Variants in FAM76A observed in about 807,000 individuals in gnomAD.
The protein encoded by FAM76A is protein FAM76A.
In FAM76A, 32 loss-of-function variants were observed where a neutral mutation model predicts 46.2. The observed-to-expected ratio is 0.69, with a 90% CI of 0.52 to 0.93. The LOEUF (loss-of-function observed/expected upper bound fraction) is 0.93, where lower values mean the gene tolerates loss of function less well. Ranked by LOEUF, FAM76A falls within the 40% of genes least tolerant of loss-of-function variation. The pLI is 0.00. For synonymous variants in FAM76A, 137 were observed against 127.0 expected, an observed-to-expected ratio of 1.08 and a Z score of -0.53; for missense variants, 274 against 361.5, an observed-to-expected ratio of 0.76 and a Z score of 1.96.
intron 4 of FAM76A, 128 bp downstream of exon 4, chr1:27,734,311 GC>G (rs2088008917): frequency 1.1e-6 from 1 of 878,070 alleles, no homozygotes; most frequent in Admixed American, 3.4e-5. Flanking sequence ...ACTTTGGGAG[GC>G]CGAGGCTAGT....
intron 4 of FAM76A, among the ~76,000 whole-genome samples, chr1:27,737,891 A>AAAAAAAAAAAAAAAAAT (rs1553178322): frequency 6.8e-6 from 1 of 147,864 alleles, no homozygotes; most frequent in Non-Finnish European, 1.5e-5. Context: ...AAAAAAAAAA[A>AAAAAAAAAAAAAAAAAT]ACAGAAAAAA....
chr1:27,728,959 G>A (rs141401744), intron 2 of FAM76A, among the ~76,000 whole-genome samples: 10 of 148,856 alleles, frequency 6.7e-5, no homozygotes, highest in Admixed American at 1.3e-4. Flanking sequence ...GGGAAACTCT[G>A]TCTCAAAAAA....
At chr1:27,758,534 C>T (rs1284729412) in intron 7 of FAM76A, among the ~76,000 whole-genome samples, 3 of 152,084 alleles carry the variant, frequency 2.0e-5, no homozygotes, top group African/African-American at 7.2e-5. Context: ...CAGGGTCTTG[C>T]TCTGTTGCCC....
intron 4 of FAM76A, chr1:27,739,109 A>G (rs1343243157): frequency 2.9e-6 from 1 of 339,824 alleles, no homozygotes; most frequent in African/African-American, 2.2e-5. Context: ...GGTGTGTGTG[A>G]AGCTTTGAGG....
chr1:27,747,926 A>G (rs2088266617), intron 5 of FAM76A, among the ~76,000 whole-genome samples: 2 of 151,896 alleles, frequency 1.3e-5, no homozygotes, highest in South Asian at 4.2e-4. Context: ...TCTCAAAAAA[A>G]TAAAAATAAA....
intron 6 of FAM76A, among the ~76,000 whole-genome samples, chr1:27,752,420 A>G (rs1287336231): frequency 7.2e-5 from 11 of 152,172 alleles, no homozygotes; most frequent in Non-Finnish European, 1.5e-4. Flanking sequence ...TTAGGAAAAT[A>G]TAAGTTAATT....
intron 4 of FAM76A, among the ~76,000 whole-genome samples, chr1:27,737,444 G>A (rs2088068229): frequency 6.6e-6 from 1 of 152,188 alleles, no homozygotes; most frequent in Admixed American, 6.6e-5. Flanking sequence ...GCCAGGTGCA[G>A]TAGCTCATGC....
chr1:27,742,757 AAAAC>A (rs1047030994), intron 4 of FAM76A, among the ~76,000 whole-genome samples: 6 of 152,182 alleles, frequency 3.9e-5, no homozygotes, highest in Non-Finnish European at 1.5e-5. Flanking sequence ...TCACCACAAA[AAAAC>A]AAACAAAAAC....
chr1:27,732,435 T>A (rs182655844), intron 2 of FAM76A, among the ~76,000 whole-genome samples, 168 bp from the exon 3 acceptor site: 1 of 152,116 alleles, frequency 6.6e-6, no homozygotes, highest in Non-Finnish European at 1.5e-5. Context: ...CTCAAAAATA[T>A]TGAATAAAAA....
intron 4 of FAM76A, among the ~76,000 whole-genome samples, chr1:27,741,404 C>T (rs1324790598): frequency 6.6e-6 from 1 of 151,926 alleles, no homozygotes; most frequent in Admixed American, 6.6e-5. Context: ...AAGCAATCTG[C>T]CTACCTCAGC....
chr1:27,729,397 CAG>C (rs1290158646), intron 2 of FAM76A, among the ~76,000 whole-genome samples: 2 of 151,684 alleles, frequency 1.3e-5, no homozygotes, highest in Non-Finnish European at 2.9e-5. Context: ...TTAGTAGAGA[CAG>C]GGGTCTTGCC....
chr1:27,755,352 T>A, intron 7 of FAM76A, 22 bp downstream of exon 7: 1 of 1,613,482 alleles, frequency 6.2e-7, no homozygotes, highest in South Asian at 1.1e-5. Context: ...TTAATTCCTC[T>A]CTGACCAGAA....
At chr1:27,750,521 T>C (rs948847252) in intron 6 of FAM76A, among the ~76,000 whole-genome samples, 1 of 152,244 alleles carries the variant, frequency 6.6e-6, no homozygotes, top group African/African-American at 2.4e-5. Flanking sequence ...AATGAACTTT[T>C]TGAACACCCT....
intron 4 of FAM76A, among the ~76,000 whole-genome samples, chr1:27,736,942 C>A (rs2088056693): frequency 6.6e-6 from 1 of 151,410 alleles, no homozygotes; most frequent in Non-Finnish European, 1.5e-5. Flanking sequence ...TCTTTTATTT[C>A]TTTTTGTTGT....
rs140563053 is a variant in FAM76A at position 27,730,845 on chromosome 1, T to C, written c.147-1758T>C. ...TTTTGTGTGTGTGTGTGACAGGGTC[T>C]CACTCTGTCACTCAGGCTGGAGTGC... On this transcript the variant is annotated intron_variant, in intron 2 of 8. Coordinates refer to ENST00000373954, the MANE Select transcript of FAM76A (RefSeq NM_152660.3). Among the ~76,000 whole-genome samples the C allele has an allele frequency of 3.3e-3, 506 of 152,282 alleles. 3 individuals are homozygous for C. The highest frequency in any genetic ancestry group is 0.012 in the African/African-American group (483 of 41,556).
chr1:27,754,917 T>G (rs1175443161), intron 6 of FAM76A, among the ~76,000 whole-genome samples: 1 of 152,190 alleles, frequency 6.6e-6, no homozygotes, highest in Non-Finnish European at 1.5e-5. Context: ...CCTTAGCTCT[T>G]GGGATGTGGC....
chr1:27,742,425 T>G (rs1216429890), intron 4 of FAM76A, among the ~76,000 whole-genome samples: 1 of 151,800 alleles, frequency 6.6e-6, no homozygotes, highest in Non-Finnish European at 1.5e-5. Flanking sequence ...CTCAAAGGAG[T>G]CAACTTTTTC....
intron 4 of FAM76A, chr1:27,739,409 C>G (rs529094871): frequency 3.7e-5 from 19 of 512,554 alleles, no homozygotes; most frequent in African/African-American, 2.9e-4. Flanking sequence ...TTCAGGCCAA[C>G]CTCGTGGAAA....
chr1:27,761,410 A>C lies in FAM76A; in HGVS notation c.*829A>C, dbSNP rs921989918. The C allele has an allele frequency of 1.3e-5, 2 of 152,576 alleles. No homozygotes were observed. The highest frequency in any genetic ancestry group is 2.9e-5 in the Non-Finnish European group (2 of 68,026). The allele number at this position is 152,576 out of a possible 1,614,324, so 9.5% of individuals were successfully genotyped here. A position where few individuals can be genotyped will look rare whatever the true frequency, so the allele number is the denominator to read the frequency against. ...AGTGCCTTTTGGAGGATTTCTTGGA[A>C]GAGCATTTATGGAGATACTTAAGGG... On this transcript the variant is annotated 3_prime_UTR_variant, in exon 9 of 9. Transcript: ENST00000373954.
Sources: allele counts gnomAD v4.1 joint callset (sites outside exome capture counted in the v4.1 genomes callset), GRCh38; gene constraint gnomAD v4.1.1; transcripts MANE v1.5; gene names NCBI Gene and HGNC (gene_info 2026-07-23, HGNC 2026-07-21).